The following SOS2 variants were observed in gnomAD, a reference collection of about 807,000 sequenced individuals.
SOS2 encodes the protein son of sevenless homolog 2.
A neutral mutation model predicts 148.2 loss-of-function variants in SOS2; 65 were observed. That is an observed-to-expected ratio of 0.44 (90% CI 0.36 to 0.54). The LOEUF is 0.54. Among genes scored for constraint, SOS2 ranks in the 20% least tolerant of loss-of-function variants. The probability of loss-of-function intolerance (pLI) is 0.00; values close to 1 mark genes in which losing one functional copy is unlikely to be tolerated. For missense variants in SOS2, 1,341 were observed against 1,590.2 expected (o/e 0.84, Z 2.67); for synonymous variants, 539 against 537.1 (o/e 1.00, Z -0.05).
At position 50,157,083 on chromosome 14, in the gene SOS2, T is replaced by C. The variant is rs1317956888; in HGVS notation, c.1973A>G (p.Lys658Arg). Residue 658 changes from lysine to arginine, a missense_variant, in exon 12 of 23, where the codon AAA becomes AGA. Lys to Arg is a conservative substitution (Grantham distance 26, BLOSUM62 2). Transcript: ENST00000216373. ...CTGCTCGCCTTTCTCTATTGCCAAT[T>C]TGTCTGCGTCAGTAGGTTCTGGCTC... Reference protein sequence around the residue: ...IPEPEPTDADKLAIEKGEQPI... With the variant: ...IPEPEPTDADRLAIEKGEQPI... 5 of 1,612,612 alleles carry C rather than the reference T, an allele frequency of 3.1e-6. No individual in the cohort carries two copies. The highest frequency in any genetic ancestry group is 2.7e-5 in the African/African-American group (2 of 74,904).
chr14:50,162,945 G>T (rs1885057729), intron 8 of SOS2, among the ~76,000 whole-genome samples: 1 of 146,594 alleles, frequency 6.8e-6, no homozygotes. Context: ...CACCCAAACT[G>T]GAATACGGTG....
chr14:50,147,130 G>A (rs1388588324), intron 14 of SOS2, among the ~76,000 whole-genome samples: 1 of 151,784 alleles, frequency 6.6e-6, no homozygotes, highest in African/African-American at 2.4e-5. Context: ...CTAGAGTCTG[G>A]GGCTGCAATG....
At chr14:50,189,134 GTAT>G (rs1266619065) in intron 4 of SOS2, among the ~76,000 whole-genome samples, 1 of 148,556 alleles carries the variant, frequency 6.7e-6, no homozygotes, top group Non-Finnish European at 1.5e-5. Context: ...TGAGTTGTGT[GTAT>G]TATAAGTAAA....
intron 21 of SOS2, among the ~76,000 whole-genome samples, chr14:50,129,316 A>T (rs1175314130): frequency 6.6e-6 from 1 of 152,200 alleles, no homozygotes; most frequent in Admixed American, 6.6e-5. Context: ...AAGAAAGACA[A>T]CTGACATGAA....
chr14:50,176,431 A>C (rs760500872), intron 7 of SOS2, among the ~76,000 whole-genome samples: 1 of 152,252 alleles, frequency 6.6e-6, no homozygotes, highest in African/African-American at 2.4e-5. Flanking sequence ...ATGAAACTTC[A>C]AAATTAGTCT....
intron 14 of SOS2, among the ~76,000 whole-genome samples, chr14:50,147,233 G>A (rs889011244): frequency 2.6e-5 from 4 of 151,348 alleles, no homozygotes; most frequent in African/African-American, 9.7e-5. Flanking sequence ...AAACCAGTTG[G>A]GCACTGTAGC....
At chr14:50,218,103 G>A (rs1338061654) in intron 1 of SOS2, among the ~76,000 whole-genome samples, 2 of 146,846 alleles carry the variant, frequency 1.4e-5, no homozygotes, top group African/African-American at 2.5e-5. Context: ...CTTAAGACCA[G>A]CCTAGGCAAC....
At chr14:50,215,523 A>G in intron 1 of SOS2, 1 of 1,207,762 alleles carries the variant, frequency 8.3e-7, no homozygotes, top group African/African-American at 1.6e-5. Flanking sequence ...AGCAATTAAA[A>G]TAATTTCCAG....
At chr14:50,148,409 C>CAA (rs3072684) in intron 14 of SOS2, among the ~76,000 whole-genome samples, 3 of 118,308 alleles carry the variant, frequency 2.5e-5, no homozygotes, top group African/African-American at 6.9e-5. Flanking sequence ...GACACCATCT[C>CAA]AAAAAAAAAA....
At chr14:50,220,405 C>CAAAAAAAAAAA (rs367829144) in intron 1 of SOS2, among the ~76,000 whole-genome samples, 1,017 of 30,400 alleles carry the variant, frequency 0.033, 328 homozygotes, top group Non-Finnish European at 0.036. Flanking sequence ...GACTCCATCT[C>CAAAAAAAAAAA]AAAAAAAAAA....
intron 19 of SOS2, 151 bp from the exon 20 acceptor site, chr14:50,130,913 T>C: frequency 3.4e-6 from 2 of 585,942 alleles, no homozygotes; most frequent in Non-Finnish European, 5.8e-6. Context: ...CCTGTATCAT[T>C]CTAGTAGAAT....
At chr14:50,186,581 G>A (rs1452049476) in intron 5 of SOS2, among the ~76,000 whole-genome samples, 1 of 141,996 alleles carries the variant, frequency 7.0e-6, no homozygotes, top group African/African-American at 2.6e-5. Flanking sequence ...AGGAGTTCAA[G>A]ACCAACCTGA....
At chr14:50,223,555 G>A (rs1443507377) in intron 1 of SOS2, among the ~76,000 whole-genome samples, 1 of 151,794 alleles carries the variant, frequency 6.6e-6, no homozygotes, top group Admixed American at 6.6e-5. Context: ...CACGCCTGTA[G>A]TCCCAGCTAC....
intron 1 of SOS2, among the ~76,000 whole-genome samples, chr14:50,207,361 A>G (rs938465643): frequency 2.0e-5 from 3 of 152,226 alleles, no homozygotes; most frequent in Admixed American, 6.5e-5. Flanking sequence ...AAATAAAAAA[A>G]TTAGCTGGGC....
At chr14:50,136,408 A>G (rs1884081965) in intron 18 of SOS2, among the ~76,000 whole-genome samples, 2 of 152,128 alleles carry the variant, frequency 1.3e-5, no homozygotes, top group Non-Finnish European at 2.9e-5. Flanking sequence ...TGGTTCTGAG[A>G]TATAAATACT....
intron 1 of SOS2, among the ~76,000 whole-genome samples, chr14:50,221,028 C>T (rs981502367): frequency 2.6e-5 from 4 of 152,116 alleles, no homozygotes; most frequent in Non-Finnish European, 4.4e-5. Context: ...AGGGACAATG[C>T]TAGTAATGAC....
At chr14:50,149,296 C>G (rs185255296) in intron 14 of SOS2, among the ~76,000 whole-genome samples, 3 of 152,316 alleles carry the variant, frequency 2.0e-5, no homozygotes, top group African/African-American at 7.2e-5. Context: ...TATATATACA[C>G]AGTGGAACAC....
At chr14:50,135,082 AAAAAAAAAAAG>A (rs1341438548) in intron 18 of SOS2, among the ~76,000 whole-genome samples, 9 of 149,790 alleles carry the variant, frequency 6.0e-5, no homozygotes, top group African/African-American at 1.7e-4. Flanking sequence ...AAAAAAAAAA[AAAAAAAAAAAG>A]AAAGAAAGAA....
chr14:50,225,745 G>C (rs1887352925), intron 1 of SOS2, among the ~76,000 whole-genome samples: 1 of 152,028 alleles, frequency 6.6e-6, no homozygotes, highest in Non-Finnish European at 1.5e-5. Context: ...TTAGTTTTTG[G>C]CTTTGACTTG....
Sources: gnomAD v4.1 joint callset for allele counts (sites outside exome capture counted in the v4.1 genomes callset) on GRCh38, gnomAD v4.1.1 for gene constraint, MANE v1.5 for transcripts, NCBI Gene and HGNC (gene_info 2026-07-23, HGNC 2026-07-21) for gene names.